DTWD2: variants seen among roughly 807,000 people sequenced by gnomAD.
The protein encoded by DTWD2 is DTW motif tRNA-uridine aminocarboxypropyltransferase 2, also known as tRNA-uridine aminocarboxypropyltransferase 2.
A neutral mutation model predicts 31.8 loss-of-function variants in DTWD2; 39 were observed. That is an observed-to-expected ratio of 1.22 (90% confidence interval 0.95 to 1.60). DTWD2 has a LOEUF of 1.60. Among genes scored for constraint, DTWD2 ranks in the 40% most tolerant of loss-of-function variants. DTWD2 has a pLI of 0.00. For synonymous variants in DTWD2, 180 were observed against 142.8 expected (o/e 1.26, Z -1.86); for missense variants, 515 against 381.5 (o/e 1.35, Z -2.92).
chr5:118,969,545 A>T (rs1184446899), intron 1 of DTWD2, among the ~76,000 whole-genome samples: 5 of 152,206 alleles, frequency 3.3e-5, no homozygotes, highest in African/African-American at 1.2e-4. Flanking sequence ...GACCAAGGAG[A>T]TTAGGGTCTG....
At chr5:118,962,041 A>C (rs1184341261) in intron 1 of DTWD2, among the ~76,000 whole-genome samples, 1 of 152,140 alleles carries the variant, frequency 6.6e-6, no homozygotes, top group Non-Finnish European at 1.5e-5. Context: ...CAGGAGTTCG[A>C]GACCAGTCTC....
At chr5:118,908,021 T>C (rs1753372474) in intron 4 of DTWD2, among the ~76,000 whole-genome samples, 1 of 152,198 alleles carries the variant, frequency 6.6e-6, no homozygotes, top group Non-Finnish European at 1.5e-5. Flanking sequence ...AAACTAACCA[T>C]CACTGGACCA....
intron 4 of DTWD2, among the ~76,000 whole-genome samples, chr5:118,866,312 A>G (rs1347069721): frequency 1.3e-5 from 2 of 152,204 alleles, no homozygotes; most frequent in Admixed American, 6.5e-5. Context: ...AAAAATCATC[A>G]AAAGCATCCA....
At chr5:118,897,857 T>C (rs570391467) in intron 4 of DTWD2, among the ~76,000 whole-genome samples, 2 of 152,320 alleles carry the variant, frequency 1.3e-5, no homozygotes, top group East Asian at 3.9e-4. Context: ...GTAAAATTAA[T>C]ATTTGAAAAT....
chr5:118,878,450 G>T (rs572740287), intron 4 of DTWD2, among the ~76,000 whole-genome samples: 2 of 152,138 alleles, frequency 1.3e-5, no homozygotes. Flanking sequence ...AGGATAACTG[G>T]CTAGTCATAT....
chr5:118,963,981 G>A lies in DTWD2; in HGVS notation c.219-19332C>T, dbSNP rs565526303. Among the ~76,000 whole-genome samples the A allele has an allele frequency of 1.1e-4, 17 of 152,228 alleles. 1 individual carries two copies. The South Asian group carries it at 1.5e-3, about 13-fold the overall frequency. On this transcript the variant is annotated intron_variant, in intron 1 of 5. Coordinates refer to ENST00000510708, the MANE Select transcript of DTWD2 (RefSeq NM_173666.4). ...TCCCAGTACTTTGGGAGGCCGAGGC[G>A]TGTGGACCACTTGAGGTCAGGTGTT...
At chr5:118,973,348 G>T (rs942447126) in intron 1 of DTWD2, among the ~76,000 whole-genome samples, 3 of 152,076 alleles carry the variant, frequency 2.0e-5, no homozygotes, top group Admixed American at 6.6e-5. Context: ...TCTTCATAGC[G>T]TCGATGGTCT....
rs954086572 is a variant in DTWD2 at position 118,951,139 on chromosome 5, A to C, written c.219-6490T>G. 3.9e-5 allele frequency among the ~76,000 whole-genome samples: 6 copies of C among 152,242 alleles called. No homozygotes were observed. In the South Asian group the frequency reaches 1.2e-3, roughly 32 times the overall value. ...CTTGACCATGCCTTTAGCTCCAGAC[A>C]CCTCTTTAAGAGGAAATTGTTGGGC... is the stretch of plus-strand genomic sequence containing the variant. On this transcript the variant is annotated intron_variant, in intron 1 of 5. Coordinates refer to ENST00000510708, the MANE Select transcript of DTWD2 (RefSeq NM_173666.4).
intron 1 of DTWD2, among the ~76,000 whole-genome samples, chr5:118,975,904 C>A (rs534855824): frequency 6.6e-6 from 1 of 152,198 alleles, no homozygotes; most frequent in Non-Finnish European, 1.5e-5. Flanking sequence ...CTTCTCATCA[C>A]CACATCACAC....
chr5:118,909,283 A>G (rs920849582), intron 4 of DTWD2, among the ~76,000 whole-genome samples: 1 of 152,316 alleles, frequency 6.6e-6, no homozygotes, highest in African/African-American at 2.4e-5. Flanking sequence ...TCAACTCAAC[A>G]GCCCTTGGGG....
intron 1 of DTWD2, among the ~76,000 whole-genome samples, chr5:118,951,978 C>T (rs1202755615): frequency 3.3e-5 from 5 of 152,180 alleles, no homozygotes; most frequent in Admixed American, 3.3e-4. Flanking sequence ...ACGGATAAAA[C>T]GCGTCTCCTC....
At position 118,836,240 on chromosome 5, in the gene DTWD2, T is replaced by A. The variant is rs1411024922; in HGVS notation, c.*4677A>T. On this transcript the variant is annotated 3_prime_UTR_variant, in exon 6 of 6. Coordinates refer to ENST00000510708, the MANE Select transcript of DTWD2 (RefSeq NM_173666.4). ...TTAGTTCAAGTGAATCTTATTTTTA[T>A]TTATTTATTTATTTATTTGAGACAC... Among the ~76,000 whole-genome samples, 1 of 152,072 alleles carries A rather than the reference T, an allele frequency of 6.6e-6. No individual in the cohort carries two copies. The highest frequency in any genetic ancestry group is 1.5e-5 in the Non-Finnish European group (1 of 68,006).
At chr5:118,967,153 T>C (rs1226922106) in intron 1 of DTWD2, among the ~76,000 whole-genome samples, 3 of 148,542 alleles carry the variant, frequency 2.0e-5, no homozygotes, top group African/African-American at 7.5e-5. Context: ...ATCAAACATG[T>C]TGCAGATAAA....
rs935932368 is a variant in DTWD2, at chr5:118,837,986, T to C, written c.*2931A>G. The stretch of plus-strand genomic sequence containing the variant: ...AGGAGCTTATTTCTTCCAAAATATA[T>C]GAAAAATATTACTGGTCATGACTAA... On this transcript the variant is annotated 3_prime_UTR_variant, in exon 6 of 6. Coordinates refer to ENST00000510708, the MANE Select transcript of DTWD2 (RefSeq NM_173666.4). 1 of 152,136 alleles carries C rather than the reference T, an allele frequency of 6.6e-6. No individual in the cohort carries two copies. Among genetic ancestry groups the C allele is most frequent in the African/African-American group, 2.4e-5 (1 of 41,420 alleles). 9.4% of individuals were successfully genotyped at this position (152,136 alleles called of 1,614,324 possible).
At chr5:118,962,996 G>A (rs1754739917) in intron 1 of DTWD2, among the ~76,000 whole-genome samples, 1 of 152,196 alleles carries the variant, frequency 6.6e-6, no homozygotes, top group Non-Finnish European at 1.5e-5. Flanking sequence ...AGAAGACCTA[G>A]CACTAGAATT....
At chr5:118,860,510 T>G (rs1489178105) in intron 4 of DTWD2, among the ~76,000 whole-genome samples, 1 of 152,116 alleles carries the variant, frequency 6.6e-6, no homozygotes, top group Non-Finnish European at 1.5e-5. Flanking sequence ...TAAATAGCTT[T>G]GTGTTAATCT....
chr5:118,942,837 G>C (rs888706732), intron 2 of DTWD2, among the ~76,000 whole-genome samples: 8 of 151,750 alleles, frequency 5.3e-5, no homozygotes, highest in Non-Finnish European at 1.0e-4. Context: ...GGGTCTTGCT[G>C]TACAGCCCAA....
intron 4 of DTWD2, among the ~76,000 whole-genome samples, chr5:118,883,173 CA>C (rs571812085): frequency 5.0e-4 from 76 of 152,316 alleles, no homozygotes; most frequent in Admixed American, 1.8e-3. Context: ...AGGGCAGGGA[CA>C]AAATTCAGCC....
chr5:118,882,129 T>C (rs1017024276), intron 4 of DTWD2, among the ~76,000 whole-genome samples: 1 of 152,202 alleles, frequency 6.6e-6, no homozygotes, highest in Non-Finnish European at 1.5e-5. Flanking sequence ...TGGGTAAATG[T>C]TCCCATCCCA....
Sources: gnomAD v4.1 joint callset for allele counts (sites outside exome capture counted in the v4.1 genomes callset) on GRCh38, gnomAD v4.1.1 for gene constraint, MANE v1.5 for transcripts, NCBI Gene and HGNC (gene_info 2026-07-23, HGNC 2026-07-21) for gene names.